Variants in EIF3L observed in about 807,000 individuals in gnomAD.
EIF3L encodes the protein eIEF associated protein HSPC021.
EIF3L carries 32 observed loss-of-function variants against 74.6 expected under a neutral mutation model. The ratio of observed to expected loss-of-function variants is 0.43; its 90% CI spans 0.32 to 0.58. The LOEUF is 0.58. Ranked by LOEUF, EIF3L falls within the 20% of genes least tolerant of loss-of-function variation. The pLI is 0.06. For missense variants in EIF3L, 474 were observed against 707.8 expected, an observed-to-expected ratio of 0.67 and a Z score of 3.75; for synonymous variants, 256 against 254.4, an observed-to-expected ratio of 1.01 and a Z score of -0.06.
At chr22:37,867,986 A>G (rs1018377606) in intron 7 of EIF3L, among the ~76,000 whole-genome samples, 34 of 151,624 alleles carry the variant, frequency 2.2e-4, no homozygotes, top group South Asian at 6.2e-4. Context: ...AGAAAAAAAA[A>G]TCATACTTTT....
rs558967675 is a variant in EIF3L, at chr22:37,858,682, C to T, written c.377C>T (p.Ala126Val). 63 of 1,611,306 alleles carry T rather than the reference C, an allele frequency of 3.9e-5. No homozygotes were observed. The highest frequency in any genetic ancestry group is 5.1e-5 in the Non-Finnish European group (60 of 1,179,272). ...EAIAPQVGND[A>V]VFLILYKELY... Reference sequence around the variant, plus strand: ...ACCCTTCTGCCATCTCTTTCAGATGCTGTCTTCCTGATTTTATACAAAGAA... The same window carrying T: ...ACCCTTCTGCCATCTCTTTCAGATGTTGTCTTCCTGATTTTATACAAAGAA... Residue 126 changes from alanine (A) to valine (V), a missense_variant, in exon 5 of 13, where the codon GCT (alanine) becomes GTT (valine). Transcript: ENST00000652021.
In EIF3L at chr22:37,851,307, A is replaced by C. The variant is rs777584086; in HGVS notation, c.110A>C (p.Glu37Ala). The change falls in exon 3 of 13, where the codon GAA becomes GCA. Residue 37 changes from glutamate (E) to alanine (A), a missense_variant. Transcript: ENST00000652021. ...GATCCAAAGCAGGACCTTGCTTATG[A>C]ACGTCAGTATGAACAGCAAACCTAT... ...TGDPKQDLAY[E>A]RQYEQQTYQV... is the part of the protein sequence containing the mutation. 1 of 1,614,158 alleles carries C rather than the reference A, an allele frequency of 6.2e-7. No individual in the cohort carries two copies. The highest frequency in any genetic ancestry group is 8.5e-7 in the Non-Finnish European group (1 of 1,179,996).
chr22:37,850,422 G>A (rs1017823656), intron 2 of EIF3L: 5 of 236,564 alleles, frequency 2.1e-5, no homozygotes, highest in African/African-American at 4.6e-5. Flanking sequence ...CAACCTCCGC[G>A]TCCCTCGTTC....
At chr22:37,886,975 C>T in intron 12 of EIF3L, 130 bp downstream of exon 12, 2 of 679,108 alleles carry the variant, frequency 2.9e-6, no homozygotes, top group Non-Finnish European at 2.4e-6. Context: ...GTCACCCATG[C>T]TGGAGTGCAG....
At chr22:37,849,623 A>G (rs1396586119) in intron 1 of EIF3L, 141 bp downstream of exon 1, 2 of 945,198 alleles carry the variant, frequency 2.1e-6, no homozygotes, top group Admixed American at 2.4e-5. Flanking sequence ...CTGCTCCCAC[A>G]GTTCCCGGTC....
At chr22:37,864,415 A>G (rs1926032926) in intron 7 of EIF3L, among the ~76,000 whole-genome samples, 1 of 152,194 alleles carries the variant, frequency 6.6e-6, no homozygotes, top group South Asian at 2.1e-4. Flanking sequence ...CATCACAACA[A>G]GAATATCACC....
intron 7 of EIF3L, among the ~76,000 whole-genome samples, chr22:37,863,642 G>T (rs1291595119): frequency 1.3e-5 from 2 of 152,208 alleles, no homozygotes; most frequent in Admixed American, 6.5e-5. Context: ...TTGGAGCGAG[G>T]TGGAAGTGGA....
intron 2 of EIF3L, chr22:37,850,451 C>T: frequency 9.0e-6 from 2 of 221,230 alleles, no homozygotes; most frequent in Non-Finnish European, 1.9e-5. Flanking sequence ...GTTCTCTTGT[C>T]TCAGCCTCCT....
At chr22:37,879,967 T>C (rs1237007067) in intron 11 of EIF3L, 4 of 151,460 alleles carry the variant, frequency 2.6e-5, no homozygotes, top group African/African-American at 9.7e-5. Context: ...ACCCAGCTAA[T>C]ATTTTGTGTA....
chr22:37,851,549 TC>T, intron 3 of EIF3L, 59 bp downstream of exon 3: 1 of 1,027,094 alleles, frequency 9.7e-7, no homozygotes, highest in Non-Finnish European at 1.3e-6. Context: ...GTAATATAGT[TC>T]CTACAAATGA....
chr22:37,858,390 A>T (rs1043185025), intron 4 of EIF3L, among the ~76,000 whole-genome samples: 1 of 151,342 alleles, frequency 6.6e-6, no homozygotes, highest in Non-Finnish European at 1.5e-5. Context: ...ACGCTTGTCT[A>T]ATTACTCTTG....
At chr22:37,886,567 CAAAAA>C in intron 11 of EIF3L, 193 bp from the exon 12 acceptor site, 1 of 307,780 alleles carries the variant, frequency 3.2e-6, no homozygotes, top group South Asian at 3.2e-5. Flanking sequence ...AACTCCATCT[CAAAAA>C]AAAAAAGAAA....
rs1360782647 is a variant in EIF3L at position 37,858,715 on chromosome 22, A to G, written c.410A>G (p.Tyr137Cys). The G allele has an allele frequency of 6.2e-7, 1 of 1,608,474 alleles. No homozygotes were observed. Among genetic ancestry groups the G allele is most frequent in the Non-Finnish European group, 8.5e-7 (1 of 1,178,522 alleles). ...VFLILYKELY[Y>C]RHIYAKVSGG... Reference sequence around the variant, plus strand: ...CTGATTTTATACAAAGAATTATACTACAGGCACATATATGCCAAAGTCAGT... The same window carrying G: ...CTGATTTTATACAAAGAATTATACTGCAGGCACATATATGCCAAAGTCAGT... Residue 137 changes from tyrosine to cysteine, a missense_variant, in exon 5 of 13, where the codon TAC (tyrosine) becomes TGC (cysteine). Physicochemically the swap from Tyr to Cys is radical, Grantham distance 194. Around this residue, in one of 4 missense-constraint regions of EIF3L, gnomAD observed 141 missense variants for 197.7 expected, o/e 0.71. Coordinates refer to ENST00000652021, the MANE Select transcript of EIF3L (RefSeq NM_016091.4).
intron 7 of EIF3L, among the ~76,000 whole-genome samples, chr22:37,869,476 A>C (rs1926358110): frequency 2.6e-5 from 4 of 152,124 alleles, no homozygotes; most frequent in Admixed American, 6.6e-5. Flanking sequence ...CCTAGGTTTT[A>C]GGTCTGTGAT....
At chr22:37,854,700 C>T (rs1372475181) in intron 3 of EIF3L, among the ~76,000 whole-genome samples, 1 of 152,184 alleles carries the variant, frequency 6.6e-6, no homozygotes, top group African/African-American at 2.4e-5. Context: ...CTCCTAACCT[C>T]AAGTGATCCA....
At chr22:37,886,926 T>G in intron 12 of EIF3L, 81 bp downstream of exon 12, 1 of 1,137,592 alleles carries the variant, frequency 8.8e-7, no homozygotes. Context: ...TTTTTTTAAT[T>G]TTTATTCCTT....
At chr22:37,878,776 A>G (rs1045635585) in intron 11 of EIF3L, 2 of 152,390 alleles carry the variant, frequency 1.3e-5, no homozygotes, top group African/African-American at 2.4e-5. Flanking sequence ...AGATGTTATA[A>G]TTAAACAAAC....
chr22:37,851,587 C>T (rs543377528), intron 3 of EIF3L, 97 bp downstream of exon 3: 8 of 103,276 alleles, frequency 7.7e-5, no homozygotes, highest in African/African-American at 3.6e-4. Context: ...ACAGTACTTT[C>T]GGGGGGGTTG....
At chr22:37,875,687 G>A (rs1230525174) in intron 9 of EIF3L, among the ~76,000 whole-genome samples, 154 bp from the exon 10 acceptor site, 1 of 152,022 alleles carries the variant, frequency 6.6e-6, no homozygotes, top group African/African-American at 2.4e-5. Flanking sequence ...CAACTTAATT[G>A]ATGAATAGGA....
Sources: gnomAD v4.1 joint callset for allele counts (sites outside exome capture counted in the v4.1 genomes callset) on GRCh38, gnomAD v4.1.1 for gene constraint, gnomAD v4.1.1 regional missense constraint, MANE v1.5 for transcripts, NCBI Gene and HGNC (gene_info 2026-07-23, HGNC 2026-07-21) for gene names.